Variants in FREM3 observed in about 807,000 individuals in gnomAD.
FREM3 encodes FRAS1 related extracellular matrix 3.
A neutral mutation model predicts 129.1 loss-of-function variants in FREM3; 105 were observed. The ratio of observed to expected loss-of-function variants is 0.81; its 90% CI spans 0.69 to 0.96. The LOEUF (loss-of-function observed/expected upper bound fraction) is 0.96, where lower values mean the gene tolerates loss of function less well. FREM3 is among the 40% of genes least tolerant of loss of function. FREM3 has a pLI of 0.00. For synonymous variants in FREM3, 1,014 were observed against 1,044.9 expected (o/e 0.97, Z 0.57); for missense variants, 2,593 against 2,666.3 (o/e 0.97, Z 0.61).
intron 2 of FREM3, among the ~76,000 whole-genome samples, chr4:143,668,962 A>G (rs1040898066): frequency 1.3e-5 from 2 of 152,222 alleles, no homozygotes; most frequent in African/African-American, 4.8e-5. Context: ...TAGTTTTTCT[A>G]TTAAAAATAC....
At chr4:143,581,007 A>G (rs35941280) in intron 7 of FREM3, among the ~76,000 whole-genome samples, 31,432 of 152,190 alleles carry the variant, frequency 0.21, 3,306 homozygotes, top group South Asian at 0.26. Context: ...CAGAGCTCCC[A>G]GAAGTAGCAG....
chr4:143,687,018 T>C (rs769662592), intron 2 of FREM3, among the ~76,000 whole-genome samples: 3 of 151,690 alleles, frequency 2.0e-5, no homozygotes, highest in Non-Finnish European at 2.9e-5. Flanking sequence ...AAACAAAAAA[T>C]ACAAAAGTTA....
chr4:143,691,743 A>G (rs888617935), intron 2 of FREM3, among the ~76,000 whole-genome samples: 2 of 152,256 alleles, frequency 1.3e-5, no homozygotes, highest in Admixed American at 1.3e-4. Context: ...TGGTAGCTAC[A>G]TAATATTCAC....
intron 2 of FREM3, among the ~76,000 whole-genome samples, chr4:143,639,848 A>C (rs913232599): frequency 6.6e-6 from 1 of 152,132 alleles, no homozygotes; most frequent in Non-Finnish European, 1.5e-5. Context: ...GTCATACTTG[A>C]TATTTGACAA....
intron 6 of FREM3, among the ~76,000 whole-genome samples, chr4:143,586,719 C>T (rs148303698): frequency 4.6e-5 from 7 of 152,262 alleles, no homozygotes; most frequent in African/African-American, 7.2e-5. Context: ...ATCCATACCC[C>T]GTTCGCTCTT....
At chr4:143,680,292 C>CTA (rs971857977) in intron 2 of FREM3, among the ~76,000 whole-genome samples, 1 of 150,802 alleles carries the variant, frequency 6.6e-6, no homozygotes, top group African/African-American at 2.4e-5. Flanking sequence ...GCATATCTAT[C>CTA]TATATATATC....
chr4:143,595,323 T>G (rs776773765), intron 6 of FREM3, among the ~76,000 whole-genome samples: 30 of 152,222 alleles, frequency 2.0e-4, no homozygotes, highest in Non-Finnish European at 4.0e-4. Context: ...TTTTGAATTC[T>G]GAGAAAAGAA....
chr4:143,641,872 T>C (rs1274637521), intron 2 of FREM3, among the ~76,000 whole-genome samples: 1 of 152,110 alleles, frequency 6.6e-6, no homozygotes, highest in Non-Finnish European at 1.5e-5. Flanking sequence ...AGCAATAAAC[T>C]GTCAAATTCA....
At chr4:143,579,672 G>C (rs1302852295) in intron 7 of FREM3, among the ~76,000 whole-genome samples, 2 of 152,194 alleles carry the variant, frequency 1.3e-5, no homozygotes, top group African/African-American at 4.8e-5. Context: ...GGATGGTAGA[G>C]CAAGGATGCT....
intron 2 of FREM3, among the ~76,000 whole-genome samples, chr4:143,643,714 ATAAGGTGGGAGAAATAAGTTC>A: frequency 6.6e-6 from 1 of 152,172 alleles, no homozygotes; most frequent in East Asian, 1.9e-4. Flanking sequence ...GAAAGTTACA[ATAAGGTGGGAGAAATAAGTTC>A]TGGTGTTCTG....
intron 2 of FREM3, among the ~76,000 whole-genome samples, chr4:143,679,071 C>T (rs143707107): frequency 6.6e-6 from 1 of 152,104 alleles, no homozygotes; most frequent in East Asian, 1.9e-4. Context: ...GTTGTTTAAC[C>T]ATGTATATGC....
At position 143,700,653 on chromosome 4, in the gene FREM3, G is replaced by T; in HGVS notation, c.23C>A (p.Pro8Gln). Residue 8 changes from proline (P) to glutamine (Q), a missense_variant, in exon 1 of 8, where the codon CCG (proline) becomes CAG (glutamine). Pro to Gln is a moderately conservative substitution (Grantham distance 76). Around this residue, in one of 2 missense-constraint regions of FREM3, gnomAD observed 2,276 missense variants for 2,267.2 expected, o/e 1.00. Transcript: ENST00000329798. ...AAGGAGCTGCCGGGGCGTCCCAGTC[G>T]GGTGCCGAGAAGCCCCCGCCATGGC... Reference protein sequence around the residue: MAGASRHPTGTPRQLLVA... With the variant: MAGASRHQTGTPRQLLVA... 7.0e-7 allele frequency: 1 copy of T among 1,431,362 alleles called. No homozygotes were observed. Among genetic ancestry groups the T allele is most frequent in the Non-Finnish European group, 9.1e-7 (1 of 1,097,712 alleles). 88.7% of individuals were successfully genotyped at this position (1,431,362 alleles called of 1,614,324 possible). A position where few individuals can be genotyped will look rare whatever the true frequency, so the allele number is the denominator to read the frequency against.
At chr4:143,598,646 C>A (rs1738522658) in intron 6 of FREM3, among the ~76,000 whole-genome samples, 2 of 152,152 alleles carry the variant, frequency 1.3e-5, no homozygotes, top group African/African-American at 4.8e-5. Context: ...CTTGAACTCT[C>A]CTACCAGTTT....
chr4:143,661,742 TATTG>T (rs924694142), intron 2 of FREM3, among the ~76,000 whole-genome samples: 1 of 152,236 alleles, frequency 6.6e-6, no homozygotes, highest in African/African-American at 2.4e-5. Context: ...GTTGGTAAGC[TATTG>T]ATTATTGCCA....
At chr4:143,627,562 A>G in intron 3 of FREM3, 52 bp downstream of exon 3, 1 of 1,396,300 alleles carries the variant, frequency 7.2e-7, no homozygotes, top group East Asian at 2.5e-5. Context: ...TTTTAGTCCC[A>G]GATTTCATGT....
At chr4:143,658,340 T>C (rs1284112283) in intron 2 of FREM3, among the ~76,000 whole-genome samples, 2 of 152,118 alleles carry the variant, frequency 1.3e-5, no homozygotes, top group Non-Finnish European at 1.5e-5. Flanking sequence ...CAGTAAGAAT[T>C]TGGAATTTGT....
intron 2 of FREM3, among the ~76,000 whole-genome samples, chr4:143,631,123 T>A (rs1386993318): frequency 1.3e-5 from 2 of 152,184 alleles, no homozygotes; most frequent in Non-Finnish European, 2.9e-5. Context: ...GGTCATATCC[T>A]ACAAATTGAT....
chr4:143,633,416 A>G (rs1739175872), intron 2 of FREM3, among the ~76,000 whole-genome samples: 1 of 152,192 alleles, frequency 6.6e-6, no homozygotes, highest in South Asian at 2.1e-4. Flanking sequence ...ACAGTTAACT[A>G]AGCCATCCAT....
At chr4:143,640,268 G>A (rs1385284744) in intron 2 of FREM3, among the ~76,000 whole-genome samples, 4 of 152,136 alleles carry the variant, frequency 2.6e-5, no homozygotes, top group Non-Finnish European at 5.9e-5. Flanking sequence ...TAGCACACAA[G>A]CACAGTTCCT....
Sources: allele counts gnomAD v4.1 joint callset (sites outside exome capture counted in the v4.1 genomes callset), GRCh38; gene constraint gnomAD v4.1.1; regional missense constraint gnomAD v4.1.1; transcripts MANE v1.5; gene names NCBI Gene and HGNC (gene_info 2026-07-23, HGNC 2026-07-21).